Variants in UNC13B observed in about 807,000 individuals in gnomAD.
The protein encoded by UNC13B is unc-13 homolog B.
In UNC13B, 144 loss-of-function variants were observed where a neutral mutation model predicts 211.0. The ratio of observed to expected loss-of-function variants is 0.68; its 90% confidence interval spans 0.60 to 0.78. The LOEUF is 0.78. UNC13B is among the 30% of genes least tolerant of loss of function. The pLI is 0.00. For synonymous variants in UNC13B, 709 were observed against 725.8 expected (o/e 0.98, Z 0.37); for missense variants, 1,777 against 2,002.0 (o/e 0.89, Z 2.14).
At chr9:35,310,806 C>T in intron 10 of UNC13B, 25 bp downstream of exon 10, 14 of 1,597,968 alleles carry the variant, frequency 8.8e-6, no homozygotes, top group Non-Finnish European at 1.1e-5. Flanking sequence ...CCTTGAGGAG[C>T]TCACATGGCT....
chr9:35,270,723 T>A (rs544199747), intron 7 of UNC13B, among the ~76,000 whole-genome samples: 8 of 152,326 alleles, frequency 5.3e-5, no homozygotes, highest in Middle Eastern at 3.4e-3. Flanking sequence ...CAAACTTTCT[T>A]GTCCTTTTTG....
chr9:35,317,828 C>T (rs1305493545), intron 11 of UNC13B, among the ~76,000 whole-genome samples: 3 of 151,784 alleles, frequency 2.0e-5, no homozygotes, highest in East Asian at 1.9e-4. Flanking sequence ...TGAGCCACCA[C>T]GCCTGGCCTA....
At chr9:35,348,995 G>A (rs959483491) in intron 11 of UNC13B, among the ~76,000 whole-genome samples, 24 of 151,926 alleles carry the variant, frequency 1.6e-4, no homozygotes, top group African/African-American at 3.6e-4. Context: ...TTGGCTCACC[G>A]CAACCTCTGC....
chr9:35,380,315 C>T (rs1321881203), intron 17 of UNC13B, among the ~76,000 whole-genome samples, 155 bp from the exon 18 acceptor site: 1 of 152,022 alleles, frequency 6.6e-6, no homozygotes, highest in African/African-American at 2.4e-5. Flanking sequence ...CTAGGATAGC[C>T]CAACTTTCTT....
rs377650839 is a variant in UNC13B, at chr9:35,296,197, A to C, written c.761+267A>C. ...ATTCTCAACTGATCAGGGCGATCCC[A>C]CTTGGGGTGTATCTGCCCCACTTCC... On this transcript the variant is annotated intron_variant, in intron 8 of 39. Transcript: ENST00000635942. Among the ~76,000 whole-genome samples the C allele has an allele frequency of 7.2e-4, 109 of 152,314 alleles. 1 individual carries two copies. In the South Asian group the frequency reaches 0.018, roughly 25 times the overall value.
At chr9:35,357,206 T>C (rs921498296) in intron 11 of UNC13B, among the ~76,000 whole-genome samples, 4 of 152,328 alleles carry the variant, frequency 2.6e-5, no homozygotes, top group African/African-American at 7.2e-5. Context: ...CCGTAACATA[T>C]GAAGGTTCTA....
intron 1 of UNC13B, among the ~76,000 whole-genome samples, chr9:35,204,074 C>A: frequency 6.6e-6 from 1 of 152,352 alleles, no homozygotes; most frequent in South Asian, 2.1e-4. Flanking sequence ...TGCATCCTGG[C>A]ATCTCTAGCA....
Position 35,370,336 on chromosome 9 carries a change from T to C in UNC13B, c.9480T>C (p.Tyr3160=). 1 of 1,614,002 alleles carries C rather than the reference T, an allele frequency of 6.2e-7. No individual in the cohort carries two copies. Among genetic ancestry groups the C allele is most frequent in the Non-Finnish European group, 8.5e-7 (1 of 1,179,974 alleles). Residue 3160 remains tyrosine, a synonymous_variant, in exon 13 of 40, where the codon TAT becomes TAC. Transcript: ENST00000635942. The part of the protein sequence containing the change: ...WLPEGPAGGL[Y]GIDSMPDLRR... ...TCCTCAGGCCAGCCGGAGGGCTCTA[T>C]GGCATTGACAGCATGCCAGATTTAC...
intron 7 of UNC13B, among the ~76,000 whole-genome samples, chr9:35,268,306 G>T (rs1163779310): frequency 6.6e-6 from 1 of 152,148 alleles, no homozygotes; most frequent in African/African-American, 2.4e-5. Context: ...AGCTGACAAG[G>T]ATCTAGTTAA....
At chr9:35,172,983 C>T (rs1821416048) in intron 1 of UNC13B, among the ~76,000 whole-genome samples, 1 of 152,110 alleles carries the variant, frequency 6.6e-6, no homozygotes, top group South Asian at 2.1e-4. Flanking sequence ...TTCTTTAGAG[C>T]TGTAGAAGAC....
At chr9:35,369,785 A>G (rs1482838273) in intron 12 of UNC13B, among the ~76,000 whole-genome samples, 2 of 152,158 alleles carry the variant, frequency 1.3e-5, no homozygotes, top group African/African-American at 4.8e-5. Flanking sequence ...GCTTTTCTTC[A>G]GGAGGCCTAG....
At position 35,229,462 on chromosome 9, in the gene UNC13B, A is replaced by G. The variant is rs77332673; in HGVS notation, c.52+1418A>G. Among the ~76,000 whole-genome samples the G allele has an allele frequency of 1.5e-3, 233 of 152,262 alleles. 1 individual carries two copies. The highest frequency in any genetic ancestry group is 2.5e-3 in the Non-Finnish European group (171 of 68,028). On this transcript the variant is annotated intron_variant, in intron 2 of 39. Coordinates refer to ENST00000635942, the MANE Select transcript of UNC13B (RefSeq NM_001371189.2). ...CATAATAGCTGCCTCAGTGGAATTT[A>G]TACCCCTTCCTTTTAGCTTCAGCAC...
intron 28 of UNC13B, 24 bp from the exon 29 acceptor site, chr9:35,397,143 G>A (rs769579011): frequency 1.9e-6 from 3 of 1,611,970 alleles, no homozygotes; most frequent in Non-Finnish European, 2.5e-6. Flanking sequence ...TGTGGATGGT[G>A]ACCCTGTGTG....
intron 11 of UNC13B, among the ~76,000 whole-genome samples, chr9:35,328,487 G>A (rs1219639534): frequency 6.6e-6 from 1 of 152,152 alleles, no homozygotes; most frequent in Non-Finnish European, 1.5e-5. Context: ...GACTGGTCTA[G>A]TTCTCATTCT....
chr9:35,187,586 C>T (rs958998819), intron 1 of UNC13B, among the ~76,000 whole-genome samples: 1 of 152,112 alleles, frequency 6.6e-6, no homozygotes, highest in African/African-American at 2.4e-5. Flanking sequence ...TTATACTTGG[C>T]CTGATTATTT....
intron 11 of UNC13B, chr9:35,342,010 G>A (rs1832027171): frequency 1.0e-6 from 1 of 985,494 alleles, no homozygotes; most frequent in Non-Finnish European, 1.2e-6. Context: ...GTGTGGACCA[G>A]GTTAGATTTC....
chr9:35,368,608 G>A (rs1010384747), intron 12 of UNC13B, among the ~76,000 whole-genome samples: 2 of 151,946 alleles, frequency 1.3e-5, no homozygotes, highest in African/African-American at 4.8e-5. Context: ...TGGTTGTTCT[G>A]TTTTTAGTTC....
Position 35,306,492 on chromosome 9 carries a change from A to G in UNC13B, c.7088A>G (p.Asn2363Ser). The G allele has an allele frequency of 2.5e-6, 1 of 399,060 alleles. No individual in the cohort carries two copies. Among genetic ancestry groups the G allele is most frequent in the Non-Finnish European group, 4.4e-6 (1 of 226,064 alleles). 24.7% of individuals were successfully genotyped at this position (399,060 alleles called of 1,614,324 possible). A position where few individuals can be genotyped will look rare whatever the true frequency, so the allele number is the denominator to read the frequency against. ...GCTCCCCATGAAGAAGAGGCTTTCA[A>G]CCACAAAGCCTTCCCCAGTGACTCA... ...GIAPHEEEAF[N>S]HKAFPSDSLS... Residue 2363 changes from asparagine (N) to serine (S), a missense_variant, in exon 9 of 40, where the codon AAC (asparagine) becomes AGC (serine). By Grantham distance (46) the Asn-to-Ser change is conservative (BLOSUM62 1). Transcript: ENST00000635942.
intron 11 of UNC13B, among the ~76,000 whole-genome samples, chr9:35,354,845 A>G (rs1388834258): frequency 6.6e-6 from 1 of 152,224 alleles, no homozygotes; most frequent in Non-Finnish European, 1.5e-5. Flanking sequence ...GGCAAAATTT[A>G]TCAAAATTAC....
Sources: gnomAD v4.1 joint callset for allele counts (sites outside exome capture counted in the v4.1 genomes callset) on GRCh38, gnomAD v4.1.1 for gene constraint, MANE v1.5 for transcripts, NCBI Gene and HGNC (gene_info 2026-07-23, HGNC 2026-07-21) for gene names.